AHCYL2: variants seen among roughly 807,000 people sequenced by gnomAD.
AHCYL2 encodes adenosylhomocysteinase like 2.
In AHCYL2, 28 loss-of-function variants were observed where a neutral mutation model predicts 81.4. The observed-to-expected ratio is 0.34, with a 90% CI of 0.25 to 0.47. AHCYL2 has a LOEUF of 0.47. Among genes scored for constraint, AHCYL2 ranks in the 20% least tolerant of loss-of-function variants. The probability of loss-of-function intolerance (pLI) is 1.00; values close to 1 mark genes in which losing one functional copy is unlikely to be tolerated. For missense variants in AHCYL2, 551 were observed against 785.1 expected, an observed-to-expected ratio of 0.70 and a Z score of 3.56; for synonymous variants, 272 against 290.2, an observed-to-expected ratio of 0.94 and a Z score of 0.64.
At chr7:129,312,080 T>C (rs1022365835) in intron 1 of AHCYL2, among the ~76,000 whole-genome samples, 7 of 151,974 alleles carry the variant, frequency 4.6e-5, no homozygotes, top group African/African-American at 1.5e-4. Flanking sequence ...CCTCGACCTC[T>C]TGGGCTCAGG....
At chr7:129,407,015 T>A (rs1796339017) in intron 10 of AHCYL2, among the ~76,000 whole-genome samples, 1 of 152,212 alleles carries the variant, frequency 6.6e-6, no homozygotes, top group African/African-American at 2.4e-5. Context: ...ATGTGTGTAA[T>A]CATACCTACC....
At chr7:129,328,898 ATTTG>A (rs1379874643) in intron 1 of AHCYL2, among the ~76,000 whole-genome samples, 5 of 152,128 alleles carry the variant, frequency 3.3e-5, no homozygotes, top group Admixed American at 6.5e-5. Flanking sequence ...TGCCTAGATA[ATTTG>A]TTTTTCTCCT....
chr7:129,379,930 G>A (rs1190356849), intron 2 of AHCYL2, among the ~76,000 whole-genome samples, 181 bp downstream of exon 2: 1 of 152,208 alleles, frequency 6.6e-6, no homozygotes, highest in Non-Finnish European at 1.5e-5. Context: ...GCAATTCAGA[G>A]TGGAGCTTAA....
intron 1 of AHCYL2, among the ~76,000 whole-genome samples, chr7:129,228,350 A>G (rs915928806): frequency 2.0e-5 from 3 of 152,252 alleles, no homozygotes; most frequent in African/African-American, 7.2e-5. Context: ...AGAATTCCCA[A>G]GTGCAGTAGT....
chr7:129,427,199 A>C lies in AHCYL2; in HGVS notation c.*154A>C. 1.3e-6 allele frequency: 1 copy of C among 798,534 alleles called. No individual in the cohort carries two copies. The highest frequency in any genetic ancestry group is 2.0e-6 in the Non-Finnish European group (1 of 512,112). 49.5% of individuals were successfully genotyped at this position (798,534 alleles called of 1,614,324 possible). A position where few individuals can be genotyped will look rare whatever the true frequency, so the allele number is the denominator to read the frequency against. ...AGGTTATTTATTTATTAAAATCAAG[A>C]ATCCTGTGCCTGTAGTGTTGGCCCA... On this transcript the variant is annotated 3_prime_UTR_variant, in exon 17 of 17. Transcript: ENST00000325006. This position sits in a 1 kb window ranked among gnomAD's most constrained non-coding sequence, Gnocchi z 5.5.
chr7:129,323,873 C>CTTTT (rs369389755), intron 1 of AHCYL2, among the ~76,000 whole-genome samples: 7 of 131,092 alleles, frequency 5.3e-5, no homozygotes, highest in Non-Finnish European at 6.5e-5. Flanking sequence ...GCCCTTTTAG[C>CTTTT]TTTTTTTTTT....
At chr7:129,364,325 C>T (rs910652850) in intron 1 of AHCYL2, among the ~76,000 whole-genome samples, 8 of 152,140 alleles carry the variant, frequency 5.3e-5, no homozygotes, top group African/African-American at 1.9e-4. Flanking sequence ...GACGGAGTCT[C>T]ACTCTGTCAC....
At chr7:129,343,898 A>C (rs938113440) in intron 1 of AHCYL2, among the ~76,000 whole-genome samples, 1 of 152,228 alleles carries the variant, frequency 6.6e-6, no homozygotes. Context: ...ACATATACAG[A>C]AAAATGACTG....
At chr7:129,323,342 T>C (rs1481077555) in intron 1 of AHCYL2, among the ~76,000 whole-genome samples, 1 of 152,190 alleles carries the variant, frequency 6.6e-6, no homozygotes, top group African/African-American at 2.4e-5. Context: ...AAGTATTGTA[T>C]ATAATTTCAA....
At chr7:129,396,746 G>T (rs111887508) in intron 4 of AHCYL2, among the ~76,000 whole-genome samples, 40 of 151,772 alleles carry the variant, frequency 2.6e-4, no homozygotes, top group Non-Finnish European at 4.6e-4. Context: ...TGGAGACAGG[G>T]TCTCACTCTG....
chr7:129,372,830 A>G (rs961283817), intron 1 of AHCYL2, among the ~76,000 whole-genome samples: 2 of 152,168 alleles, frequency 1.3e-5, no homozygotes, highest in African/African-American at 4.8e-5. Flanking sequence ...AAAAAAAGAA[A>G]GAAAAGAAAG....
intron 1 of AHCYL2, among the ~76,000 whole-genome samples, chr7:129,237,191 A>G (rs1346618952): frequency 6.6e-6 from 1 of 152,148 alleles, no homozygotes. Flanking sequence ...CCAAATTTAT[A>G]AACAACATCT....
chr7:129,240,828 G>A (rs952001639), intron 1 of AHCYL2, among the ~76,000 whole-genome samples: 10 of 152,134 alleles, frequency 6.6e-5, no homozygotes, highest in African/African-American at 2.4e-4. Context: ...CTCTGTGGGT[G>A]CGTGGGACCG....
At chr7:129,372,991 G>A (rs561130265) in intron 1 of AHCYL2, among the ~76,000 whole-genome samples, 1 of 152,290 alleles carries the variant, frequency 6.6e-6, no homozygotes, top group South Asian at 2.1e-4. Flanking sequence ...TGGAGAAAGT[G>A]TTAGAGCAGT....
intron 1 of AHCYL2, among the ~76,000 whole-genome samples, chr7:129,321,766 G>GTTTTGTTTTTTTTTTTTTTT (rs1315391980): frequency 9.3e-6 from 1 of 107,486 alleles, no homozygotes; most frequent in Non-Finnish European, 1.8e-5. Context: ...TTTTTTTTTG[G>GTTTTGTTTTTTTTTTTTTTT]TCTTGGTTTT....
At chr7:129,307,613 G>A (rs1797488451) in intron 1 of AHCYL2, among the ~76,000 whole-genome samples, 1 of 151,800 alleles carries the variant, frequency 6.6e-6, no homozygotes, top group Non-Finnish European at 1.5e-5. Context: ...GACTGAACTG[G>A]TACCTAAGCT....
chr7:129,253,517 G>A (rs1291794547), intron 1 of AHCYL2, among the ~76,000 whole-genome samples: 1 of 152,246 alleles, frequency 6.6e-6, no homozygotes, highest in Non-Finnish European at 1.5e-5. Context: ...CTTCAGAGCT[G>A]TAAATGCAAA....
intron 7 of AHCYL2, among the ~76,000 whole-genome samples, chr7:129,403,919 C>T (rs1030342063): frequency 7.0e-6 from 1 of 142,574 alleles, no homozygotes; most frequent in African/African-American, 2.5e-5. Context: ...GTAACCACAT[C>T]TCAGCTTGCT....
At chr7:129,337,582 A>G (rs1198629894) in intron 1 of AHCYL2, among the ~76,000 whole-genome samples, 3 of 151,950 alleles carry the variant, frequency 2.0e-5, no homozygotes, top group Non-Finnish European at 4.4e-5. Context: ...GTATTTTAGC[A>G]GAGACAGGGT....
Sources: allele counts gnomAD v4.1 joint callset (sites outside exome capture counted in the v4.1 genomes callset), GRCh38; gene constraint gnomAD v4.1.1; non-coding constraint Gnocchi (gnomAD v3.1); transcripts MANE v1.5; gene names NCBI Gene and HGNC (gene_info 2026-07-23, HGNC 2026-07-21).